LRRC31: variants seen among roughly 807,000 people sequenced by gnomAD.
LRRC31 encodes leucine-rich repeat-containing protein 31.
A neutral mutation model predicts 46.7 loss-of-function variants in LRRC31; 35 were observed. That is an observed-to-expected ratio of 0.75 (90% CI 0.57 to 0.99). The LOEUF (loss-of-function observed/expected upper bound fraction) is 0.99. LRRC31 is among the 50% of genes least tolerant of loss of function. The pLI is 0.00. For synonymous variants in LRRC31, 236 were observed against 235.1 expected (o/e 1.00, Z -0.03); for missense variants, 613 against 626.1 (o/e 0.98, Z 0.22).
chr3:169,857,361 CA>C, intron 3 of LRRC31, among the ~76,000 whole-genome samples: 1 of 112,484 alleles, frequency 8.9e-6, no homozygotes, highest in Middle Eastern at 5.3e-3. Context: ...CACACACACA[CA>C]CACACACAAG....
At chr3:169,853,693 C>T in intron 6 of LRRC31, 1 of 985,354 alleles carries the variant, frequency 1.0e-6, no homozygotes, top group Non-Finnish European at 1.2e-6. Flanking sequence ...TCATGAAAGT[C>T]TTGAATTCTT....
At chr3:169,844,930 CAAAA>C (rs59099192) in intron 8 of LRRC31, among the ~76,000 whole-genome samples, 29 of 99,596 alleles carry the variant, frequency 2.9e-4, no homozygotes, top group East Asian at 5.0e-4. Context: ...GACTCCATCT[CAAAA>C]AAAAAAAAAA....
At chr3:169,866,377 G>A (rs1402551045) in intron 1 of LRRC31, among the ~76,000 whole-genome samples, 1 of 152,124 alleles carries the variant, frequency 6.6e-6, no homozygotes, top group African/African-American at 2.4e-5. Flanking sequence ...CAAGCAGCTT[G>A]GGTGGTCAGT....
At chr3:169,851,168 G>A (rs1191202764) in intron 7 of LRRC31, among the ~76,000 whole-genome samples, 1 of 152,058 alleles carries the variant, frequency 6.6e-6, no homozygotes, top group Non-Finnish European at 1.5e-5. Context: ...CTGCAGGTGG[G>A]CATGATCCAC....
At chr3:169,865,009 AG>A (rs527256448) in intron 1 of LRRC31, among the ~76,000 whole-genome samples, 1,563 of 152,154 alleles carry the variant, frequency 0.01, 11 homozygotes, top group Middle Eastern at 0.031. Context: ...CCCAGAAGGC[AG>A]AGGTTGCGTG....
At chr3:169,869,554 T>G (rs940700667) in intron 1 of LRRC31, 79 bp downstream of exon 1, 3 of 1,333,768 alleles carry the variant, frequency 2.2e-6, no homozygotes, top group Admixed American at 2.7e-5. Context: ...CCACAAAAAT[T>G]AAAAATAAAA....
intron 1 of LRRC31, among the ~76,000 whole-genome samples, chr3:169,868,359 A>C (rs759355153): frequency 5.9e-5 from 9 of 152,204 alleles, no homozygotes; most frequent in Non-Finnish European, 1.0e-4. Flanking sequence ...GATTTTATTC[A>C]GATTGCTGCT....
At chr3:169,851,475 C>T (rs1780764052) in intron 7 of LRRC31, 144 bp downstream of exon 7, 1 of 703,944 alleles carries the variant, frequency 1.4e-6, no homozygotes, top group East Asian at 2.8e-5. Flanking sequence ...TTCAGAAGGT[C>T]ACTTTTAAGA....
rs1381600568 is a variant in LRRC31 at position 169,855,131 on chromosome 3, A to T, written c.824-151T>A. On this transcript the variant is annotated intron_variant, in intron 5 of 8. Transcript: ENST00000316428. ...CATAGTGAGATCCATCTCTTAAAAAAAGAAAAACCGGGCTGGGCGTGATGA... is the reference window on the plus strand; with the variant it reads ...CATAGTGAGATCCATCTCTTAAAAATAGAAAAACCGGGCTGGGCGTGATGA... 6.8e-6 allele frequency: 4 copies of T among 587,240 alleles called. No individual in the cohort carries two copies. In the African/African-American group the frequency reaches 7.4e-5, roughly 11 times the overall value. The allele number at this position is 587,240 out of a possible 1,614,324, so 36.4% of individuals were successfully genotyped here. A position where few individuals can be genotyped will look rare whatever the true frequency, so the allele number is the denominator to read the frequency against.
intron 1 of LRRC31, among the ~76,000 whole-genome samples, chr3:169,864,322 A>G (rs1410003002): frequency 1.3e-5 from 2 of 152,234 alleles, no homozygotes; most frequent in Non-Finnish European, 2.9e-5. Flanking sequence ...AAAGGTCACC[A>G]ACAATAACCT....
At chr3:169,868,974 T>G (rs895491806) in intron 1 of LRRC31, among the ~76,000 whole-genome samples, 10 of 152,172 alleles carry the variant, frequency 6.6e-5, no homozygotes, top group Admixed American at 1.3e-4. Flanking sequence ...ATCTACTGTT[T>G]GATAGCACAA....
At chr3:169,853,669 T>G in intron 6 of LRRC31, 1 of 985,672 alleles carries the variant, frequency 1.0e-6, no homozygotes, top group Non-Finnish European at 1.2e-6. Flanking sequence ...GATTATTTTG[T>G]CATTTTAAAA....
intron 1 of LRRC31, among the ~76,000 whole-genome samples, chr3:169,862,767 T>A (rs1008607977): frequency 3.3e-5 from 5 of 151,886 alleles, no homozygotes; most frequent in African/African-American, 7.3e-5. Context: ...CTAAAAAAAA[T>A]AAATAAATAA....
At chr3:169,843,607 T>G (rs1780516003) in intron 8 of LRRC31, among the ~76,000 whole-genome samples, 1 of 152,204 alleles carries the variant, frequency 6.6e-6, no homozygotes, top group Non-Finnish European at 1.5e-5. Flanking sequence ...ACTGCACTGG[T>G]GCCCCTCACA....
chr3:169,851,800 C>A lies in LRRC31; in HGVS notation c.992-14G>T. The A allele has an allele frequency of 4.3e-6, 7 of 1,613,078 alleles. No individual in the cohort carries two copies. The highest frequency in any genetic ancestry group is 5.9e-6 in the Non-Finnish European group (7 of 1,179,504). On this transcript the variant is annotated splice_polypyrimidine_tract_variant and intron_variant, in intron 6 of 8. Coordinates refer to ENST00000316428, the MANE Select transcript of LRRC31 (RefSeq NM_024727.4). ...GAATGACCTGGGCTGTTAAAAATAT[C>A]AACAGTGACATGTTTTAGGCACCAT... is the stretch of plus-strand genomic sequence containing the variant.
At chr3:169,861,199 G>C (rs1423536055) in intron 2 of LRRC31, among the ~76,000 whole-genome samples, 1 of 150,834 alleles carries the variant, frequency 6.6e-6, no homozygotes, top group African/African-American at 2.4e-5. Flanking sequence ...CTCCCGAGTG[G>C]CTGGGATTAC....
intron 8 of LRRC31, among the ~76,000 whole-genome samples, chr3:169,840,573 C>T (rs1560620035): frequency 1.3e-5 from 2 of 152,084 alleles, no homozygotes; most frequent in South Asian, 2.1e-4. Context: ...GCTCTCTGTT[C>T]CACTGAAGTC....
At chr3:169,864,310 T>G (rs1440437237) in intron 1 of LRRC31, among the ~76,000 whole-genome samples, 1 of 152,196 alleles carries the variant, frequency 6.6e-6, no homozygotes, top group African/African-American at 2.4e-5. Context: ...ACATTGTTTC[T>G]CAAAGGTCAC....
chr3:169,844,637 A>G lies in LRRC31; in HGVS notation c.1327+3483T>C, dbSNP rs551932893. On this transcript the variant is annotated intron_variant, in intron 8 of 8. Coordinates refer to ENST00000316428, the MANE Select transcript of LRRC31 (RefSeq NM_024727.4). The stretch of plus-strand genomic sequence containing the variant: ...AGAAAAGATACACAGAGATAAAGAA[A>G]TAAATCTGTCTCTAGGCCGGGCACA... 2.6e-5 allele frequency among the ~76,000 whole-genome samples: 4 copies of G among 152,318 alleles called. No individual in the cohort carries two copies. The South Asian group carries it at 8.3e-4, about 32-fold the overall frequency.
Sources: allele counts gnomAD v4.1 joint callset (sites outside exome capture counted in the v4.1 genomes callset), GRCh38; gene constraint gnomAD v4.1.1; transcripts MANE v1.5; gene names NCBI Gene and HGNC (gene_info 2026-07-23, HGNC 2026-07-21).